Variants in GALNTL6 observed in about 807,000 individuals in gnomAD.
GALNTL6 encodes the protein polypeptide N-acetylgalactosaminyltransferase like 6.
In GALNTL6, 46 loss-of-function variants were observed where a neutral mutation model predicts 73.7. The observed-to-expected ratio is 0.62, with a 90% CI of 0.49 to 0.80. The LOEUF is 0.80. Among genes scored for constraint, GALNTL6 ranks in the 30% least tolerant of loss-of-function variants. GALNTL6 has a pLI of 0.00. For missense variants in GALNTL6, 604 were observed against 755.0 expected, an observed-to-expected ratio of 0.80 and a Z score of 2.34; for synonymous variants, 259 against 263.7, an observed-to-expected ratio of 0.98 and a Z score of 0.17.
At chr4:172,676,894 T>C (rs751583141) in intron 5 of GALNTL6, among the ~76,000 whole-genome samples, 1 of 152,230 alleles carries the variant, frequency 6.6e-6, no homozygotes, top group Non-Finnish European at 1.5e-5. Flanking sequence ...CTAACATTTC[T>C]GAGTTTAAGG....
intron 5 of GALNTL6, among the ~76,000 whole-genome samples, chr4:172,423,462 C>G (rs1308874678): frequency 6.6e-6 from 1 of 151,940 alleles, no homozygotes; most frequent in East Asian, 1.9e-4. Flanking sequence ...TATCCTTGAA[C>G]CTGCCAAGTG....
chr4:172,420,851 C>A (rs1731029490), intron 5 of GALNTL6, among the ~76,000 whole-genome samples: 1 of 152,164 alleles, frequency 6.6e-6, no homozygotes, highest in African/African-American at 2.4e-5. Context: ...AGAATGAGTT[C>A]ATGTCCTTTT....
intron 5 of GALNTL6, among the ~76,000 whole-genome samples, chr4:172,548,234 T>C (rs1021512449): frequency 1.3e-5 from 2 of 152,204 alleles, no homozygotes; most frequent in Admixed American, 6.6e-5. Flanking sequence ...TTGCTTTATA[T>C]TTTTATAAAA....
At chr4:172,206,805 G>GTTTGTTTTTTTTTTTTTTTTTTTTTTT (rs1554003003) in intron 2 of GALNTL6, among the ~76,000 whole-genome samples, 6 of 26,170 alleles carry the variant, frequency 2.3e-4, no homozygotes, top group Non-Finnish European at 4.2e-4. Context: ...TTGTTTTTCT[G>GTTTGTTTTTTTTTTTTTTTTTTTTTTT]TTTTTTTTGT....
intron 12 of GALNTL6, among the ~76,000 whole-genome samples, chr4:173,022,020 A>G (rs1336020603): frequency 7.0e-6 from 1 of 142,564 alleles, no homozygotes; most frequent in East Asian, 2.1e-4. Flanking sequence ...AGAGAAAAGG[A>G]AGGAAGGAAA....
chr4:171,900,486 T>A (rs1028530855), intron 2 of GALNTL6, among the ~76,000 whole-genome samples: 1 of 84,734 alleles, frequency 1.2e-5, no homozygotes, highest in East Asian at 3.3e-4. Context: ...TTTTTGTATT[T>A]TTTTTTTTTT....
At chr4:173,011,893 C>T (rs1020762226) in intron 11 of GALNTL6, among the ~76,000 whole-genome samples, 9 of 152,102 alleles carry the variant, frequency 5.9e-5, no homozygotes, top group African/African-American at 2.2e-4. Context: ...CCTTTGCTCT[C>T]TTTTAGCGTT....
At chr4:172,742,870 T>C (rs923032470) in intron 5 of GALNTL6, among the ~76,000 whole-genome samples, 6 of 152,048 alleles carry the variant, frequency 3.9e-5, no homozygotes, top group Admixed American at 3.3e-4. Flanking sequence ...CAGACCTGAG[T>C]CTAGGTAAGA....
At chr4:172,889,888 C>A (rs1350546153) in intron 8 of GALNTL6, among the ~76,000 whole-genome samples, 2 of 151,870 alleles carry the variant, frequency 1.3e-5, no homozygotes, top group African/African-American at 2.4e-5. Flanking sequence ...CTGGTCCGGC[C>A]TTTTTTTGTT....
chr4:172,570,614 C>A lies in GALNTL6; in HGVS notation c.553+221925C>A, dbSNP rs79606041. 3.5e-3 allele frequency among the ~76,000 whole-genome samples: 539 copies of A among 152,170 alleles called. 3 individuals carry two copies. The highest frequency in any genetic ancestry group is 0.012 in the African/African-American group (498 of 41,516). ...TTTTCATTGTTTAAGCCAGTGGACC[C>A]CAACCTTTATGGCACCAGGGAGGGG... On this transcript the variant is annotated intron_variant, in intron 5 of 12. Coordinates refer to ENST00000506823, the MANE Select transcript of GALNTL6 (RefSeq NM_001034845.3).
At chr4:172,407,317 T>G (rs985084612) in intron 5 of GALNTL6, among the ~76,000 whole-genome samples, 4 of 152,040 alleles carry the variant, frequency 2.6e-5, no homozygotes, top group Non-Finnish European at 5.9e-5. Context: ...AATGATTTGG[T>G]CCGTGTAGAA....
chr4:172,994,855 T>A (rs909397099), intron 10 of GALNTL6, among the ~76,000 whole-genome samples: 1 of 152,174 alleles, frequency 6.6e-6, no homozygotes, highest in African/African-American at 2.4e-5. Flanking sequence ...GTCCCATGAT[T>A]TTGATTGCAG....
intron 5 of GALNTL6, among the ~76,000 whole-genome samples, chr4:172,431,526 A>G (rs953333741): frequency 1.3e-5 from 2 of 152,140 alleles, no homozygotes; most frequent in Non-Finnish European, 2.9e-5. Context: ...TAATGTATGT[A>G]TAAGTGCCAT....
chr4:172,635,914 G>A (rs1356045803), intron 5 of GALNTL6, among the ~76,000 whole-genome samples: 3 of 152,166 alleles, frequency 2.0e-5, no homozygotes, highest in Non-Finnish European at 4.4e-5. Flanking sequence ...TGGTACATAT[G>A]ATAAACCTAT....
chr4:171,938,371 C>T (rs963118568), intron 2 of GALNTL6, among the ~76,000 whole-genome samples: 2 of 152,074 alleles, frequency 1.3e-5, no homozygotes, highest in Admixed American at 6.6e-5. Flanking sequence ...CACTTGAATG[C>T]CAACATTATA....
intron 5 of GALNTL6, among the ~76,000 whole-genome samples, chr4:172,612,175 T>A (rs1218842075): frequency 6.6e-6 from 1 of 152,074 alleles, no homozygotes; most frequent in East Asian, 1.9e-4. Flanking sequence ...GCAGGAAGAA[T>A]TTTTAAAGTT....
intron 7 of GALNTL6, among the ~76,000 whole-genome samples, chr4:172,856,861 A>G (rs1210598753): frequency 6.6e-6 from 1 of 152,198 alleles, no homozygotes; most frequent in Non-Finnish European, 1.5e-5. Context: ...ATCTAATTTC[A>G]TTACAGTTAA....
chr4:172,819,049 T>G (rs28652947), intron 7 of GALNTL6, among the ~76,000 whole-genome samples: 70,808 of 152,098 alleles, frequency 0.47, 20,173 homozygotes, highest in African/African-American at 0.81. Flanking sequence ...GGACCTCAAG[T>G]TAGGCACTTC....
intron 2 of GALNTL6, among the ~76,000 whole-genome samples, chr4:171,933,539 T>A (rs1161213732): frequency 1.3e-5 from 2 of 152,172 alleles, no homozygotes; most frequent in Non-Finnish European, 2.9e-5. Flanking sequence ...TCAACAAATA[T>A]TAACTTTAGG....
Sources: allele counts gnomAD v4.1 joint callset (sites outside exome capture counted in the v4.1 genomes callset), GRCh38; gene constraint gnomAD v4.1.1; transcripts MANE v1.5; gene names NCBI Gene and HGNC (gene_info 2026-07-23, HGNC 2026-07-21).